TRMT9B: variants seen among roughly 807,000 people sequenced by gnomAD.
The protein encoded by TRMT9B is tRNA methyltransferase 9B (putative).
Under a neutral mutation model 11.5 loss-of-function variants are expected in TRMT9B, and 16 were observed. The observed-to-expected ratio is 1.39, with a 90% CI of 0.94 to 2.11. TRMT9B has a LOEUF of 2.11. Among genes scored for constraint, TRMT9B ranks in the 30% most tolerant of loss-of-function variants. The pLI is 0.00. For missense variants in TRMT9B, 941 were observed against 553.8 expected (o/e 1.70, Z -7.02); for synonymous variants, 274 against 192.4 (o/e 1.42, Z -3.51).
chr8:12,950,564 T>TCTTTCTTTCTTTCTTTCTTTCTTTCTC (rs1554505540), intron 1 of TRMT9B, among the ~76,000 whole-genome samples: 13 of 151,874 alleles, frequency 8.6e-5, no homozygotes, highest in African/African-American at 3.2e-4. Flanking sequence ...TTTCTTTCTT[T>TCTTTCTTTCTTTCTTTCTTTCTTTCTC]TTGAATGTGA....
At chr8:13,011,045 T>C (rs1254345132) in intron 3 of TRMT9B, 2 of 585,540 alleles carry the variant, frequency 3.4e-6, no homozygotes, top group African/African-American at 2.0e-5. Flanking sequence ...AGTGAGGTGA[T>C]GCTACCCCAG....
chr8:13,006,408 G>C (rs1585327321), intron 3 of TRMT9B, 52 bp downstream of exon 3: 1 of 1,482,138 alleles, frequency 6.7e-7, no homozygotes. Context: ...CCTCATCGCT[G>C]ACATAGGTAA....
At chr8:12,994,202 A>C (rs1190407686) in intron 2 of TRMT9B, among the ~76,000 whole-genome samples, 1 of 152,218 alleles carries the variant, frequency 6.6e-6, no homozygotes, top group Admixed American at 6.5e-5. Context: ...CTGCGACTGC[A>C]AATAGTGGTC....
intron 4 of TRMT9B, 117 bp downstream of exon 4, chr8:13,012,974 C>G (rs1348383248): frequency 8.0e-7 from 1 of 1,256,344 alleles, no homozygotes; most frequent in East Asian, 2.8e-5. Flanking sequence ...TTTATTTTAT[C>G]TAATTTAAAA....
chr8:13,001,337 G>A (rs529327433), intron 2 of TRMT9B, among the ~76,000 whole-genome samples: 19 of 152,288 alleles, frequency 1.2e-4, no homozygotes, highest in Non-Finnish European at 2.5e-4. Flanking sequence ...GGGATCCCTG[G>A]AAAGAGGAGG....
chr8:12,977,397 T>C (rs1804623247), intron 1 of TRMT9B, among the ~76,000 whole-genome samples: 1 of 152,134 alleles, frequency 6.6e-6, no homozygotes, highest in Non-Finnish European at 1.5e-5. Flanking sequence ...GACCATCTTA[T>C]TTTCTTGAGT....
intron 1 of TRMT9B, among the ~76,000 whole-genome samples, chr8:12,963,964 T>C (rs1188396789): frequency 6.6e-6 from 1 of 152,190 alleles, no homozygotes; most frequent in Non-Finnish European, 1.5e-5. Context: ...GATTCCCAAA[T>C]ATTTATAAAT....
At chr8:12,979,285 T>C (rs1013467584) in intron 1 of TRMT9B, among the ~76,000 whole-genome samples, 6 of 152,176 alleles carry the variant, frequency 3.9e-5, no homozygotes, top group Admixed American at 2.6e-4. Flanking sequence ...GGGGAGGCTG[T>C]GAATTCAAGT....
intron 1 of TRMT9B, among the ~76,000 whole-genome samples, chr8:12,969,317 GA>G (rs1803258794): frequency 6.6e-6 from 1 of 152,174 alleles, no homozygotes; most frequent in Non-Finnish European, 1.5e-5. Context: ...TGGGCTCACA[GA>G]GGCCTGTAAA....
intron 2 of TRMT9B, among the ~76,000 whole-genome samples, chr8:13,001,983 T>C (rs1809528411): frequency 1.3e-5 from 2 of 152,194 alleles, no homozygotes; most frequent in Admixed American, 6.5e-5. Flanking sequence ...TAAATAAAAT[T>C]CATGTGGAAA....
At chr8:12,985,422 C>G (rs1400375481) in intron 1 of TRMT9B, among the ~76,000 whole-genome samples, 1 of 152,132 alleles carries the variant, frequency 6.6e-6, no homozygotes, top group Non-Finnish European at 1.5e-5. Flanking sequence ...TTTACTGGCT[C>G]ATTATTCAAA....
chr8:12,949,908 A>G (rs1023517069), intron 1 of TRMT9B, among the ~76,000 whole-genome samples: 2 of 152,168 alleles, frequency 1.3e-5, no homozygotes, highest in Non-Finnish European at 2.9e-5. Flanking sequence ...GCTGGAATGC[A>G]GTGGTGCAAG....
At chr8:12,973,281 G>C (rs963396426) in intron 1 of TRMT9B, among the ~76,000 whole-genome samples, 1 of 152,074 alleles carries the variant, frequency 6.6e-6, no homozygotes, top group Admixed American at 6.5e-5. Flanking sequence ...GCATGCTCTG[G>C]GTGCCCCTTC....
At chr8:12,950,257 A>T (rs1000719848) in intron 1 of TRMT9B, among the ~76,000 whole-genome samples, 2 of 152,176 alleles carry the variant, frequency 1.3e-5, no homozygotes, top group Non-Finnish European at 2.9e-5. Context: ...TTTCCTACAA[A>T]AGTTAAGGTA....
intron 4 of TRMT9B, 62 bp from the exon 5 acceptor site, chr8:13,020,946 T>G (rs1813712274): frequency 1.8e-6 from 2 of 1,109,688 alleles, no homozygotes; most frequent in African/African-American, 1.6e-5. Context: ...TAAACACCAG[T>G]GTATACGTGT....
At chr8:12,947,733 A>T (rs1800333118) in intron 1 of TRMT9B, among the ~76,000 whole-genome samples, 1 of 152,250 alleles carries the variant, frequency 6.6e-6, no homozygotes, top group South Asian at 2.1e-4. Context: ...ATAACTTAAG[A>T]GACTTCAGGT....
intron 1 of TRMT9B, among the ~76,000 whole-genome samples, chr8:12,973,744 C>T (rs1051478424): frequency 2.0e-5 from 3 of 152,124 alleles, no homozygotes; most frequent in Admixed American, 6.5e-5. Context: ...CAGCCATAAG[C>T]GTCTGCACAG....
chr8:13,012,151 A>G (rs1417171923), intron 3 of TRMT9B: 17 of 985,490 alleles, frequency 1.7e-5, no homozygotes, highest in Non-Finnish European at 2.0e-5. Context: ...TAAATATTCA[A>G]TAAATGTTAT....
intron 1 of TRMT9B, among the ~76,000 whole-genome samples, chr8:12,962,771 A>C (rs1802303080): frequency 6.6e-6 from 1 of 152,162 alleles, no homozygotes; most frequent in African/African-American, 2.4e-5. Flanking sequence ...GATTATAGGC[A>C]TGAGCCACTG....
Sources: allele counts gnomAD v4.1 joint callset (sites outside exome capture counted in the v4.1 genomes callset), GRCh38; gene constraint gnomAD v4.1.1; transcripts MANE v1.5; gene names NCBI Gene and HGNC (gene_info 2026-07-23, HGNC 2026-07-21).